The following CHCHD6 variants were observed in gnomAD, a reference collection of about 807,000 sequenced individuals.
CHCHD6 encodes the protein MICOS complex subunit MIC25.
Under a neutral mutation model 32.3 loss-of-function variants are expected in CHCHD6, and 28 were observed. The ratio of observed to expected loss-of-function variants is 0.87; its 90% CI spans 0.64 to 1.19. The LOEUF (loss-of-function observed/expected upper bound fraction) is 1.19, where lower values mean the gene tolerates loss of function less well. Among genes scored for constraint, CHCHD6 ranks in the 50% most tolerant of loss-of-function variants. The pLI is 0.00. For missense variants in CHCHD6, 333 were observed against 307.0 expected (o/e 1.08, Z -0.63); for synonymous variants, 122 against 117.5 (o/e 1.04, Z -0.25).
At chr3:126,838,174 A>C (rs1175716267) in intron 4 of CHCHD6, among the ~76,000 whole-genome samples, 1 of 152,262 alleles carries the variant, frequency 6.6e-6, no homozygotes, top group Non-Finnish European at 1.5e-5. Flanking sequence ...GAGAGCCTAC[A>C]GTATTTCAGC....
In CHCHD6 at chr3:126,852,688, T is replaced by A. The variant is rs752172144; in HGVS notation, c.453T>A (p.Arg151=). 5.0e-6 allele frequency: 8 copies of A among 1,613,872 alleles called. No individual in the cohort carries two copies. The South Asian group carries it at 8.8e-5, about 18-fold the overall frequency. Residue 151 remains arginine, a synonymous_variant, in exon 5 of 8, where the codon CGT becomes CGA. Transcript: ENST00000290913. The part of the protein sequence containing the change: ...LESREAELRR[R]DTFYKEQLER... Reference sequence around the variant, plus strand: ...GCAGAGAGGCAGAGCTAAGACGCCGTGACACCTTCTACAAGGAGCAGCTGG... The same window carrying A: ...GCAGAGAGGCAGAGCTAAGACGCCGAGACACCTTCTACAAGGAGCAGCTGG...
Position 126,733,160 on chromosome 3 carries a change from A to G in CHCHD6, c.349A>G (p.Lys117Glu). 2 of 1,614,166 alleles carry G rather than the reference A, an allele frequency of 1.2e-6. No individual in the cohort carries two copies. Among genetic ancestry groups the G allele is most frequent in the South Asian group, 2.2e-5 (2 of 91,082 alleles). ...AAGAGAGGCTGCCACCAAGCACTCC[A>G]AGGCATCCCTGCCCACGGGCGAAGG... ...REREAATKHS[K>E]ASLPTGEGSI... Residue 117 changes from lysine (K) to glutamate (E), a missense_variant, in exon 4 of 8, where the codon AAG becomes GAG. By Grantham distance (56) the Lys-to-Glu change is moderately conservative (BLOSUM62 1). Coordinates refer to ENST00000290913, the MANE Select transcript of CHCHD6 (RefSeq NM_032343.3).
chr3:126,803,223 TTAAATG>T (rs1174661189), intron 4 of CHCHD6, among the ~76,000 whole-genome samples: 1 of 151,820 alleles, frequency 6.6e-6, no homozygotes, highest in Non-Finnish European at 1.5e-5. Context: ...AATATTAACT[TTAAATG>T]TAAATGGGCT....
At chr3:126,740,791 A>G (rs967318816) in intron 4 of CHCHD6, among the ~76,000 whole-genome samples, 1 of 152,234 alleles carries the variant, frequency 6.6e-6, no homozygotes. Context: ...TGGTGGTTAT[A>G]TGATGTGACA....
At position 126,732,584 on chromosome 3, in the gene CHCHD6, T is replaced by C. The variant is rs555790304; in HGVS notation, c.267-494T>C. On this transcript the variant is annotated intron_variant, in intron 3 of 7. Coordinates refer to ENST00000290913, the MANE Select transcript of CHCHD6 (RefSeq NM_032343.3). ...GCATTTTTTTCACTACAATAAATAATACTGTTAAGAGCATCTCAGCACTAA... is the reference window on the plus strand; with the variant it reads ...GCATTTTTTTCACTACAATAAATAACACTGTTAAGAGCATCTCAGCACTAA... Among the ~76,000 whole-genome samples the C allele has an allele frequency of 2.6e-5, 4 of 152,346 alleles. No individual in the cohort carries two copies. In the South Asian group the frequency reaches 8.3e-4, roughly 32 times the overall value.
chr3:126,704,246 T>A lies in CHCHD6; in HGVS notation c.-67T>A. ...GCGGCCGCGCGAGTCCTGGAAAGCG[T>A]TGTTGGCCCGGTTGCTCTGGAGCCG... On this transcript the variant is annotated 5_prime_UTR_variant, in exon 1 of 8. The change creates a new upstream start codon in the 5' untranslated region. Transcript: ENST00000290913. 2 of 1,309,486 alleles carry A rather than the reference T, an allele frequency of 1.5e-6. No individual in the cohort carries two copies. Among genetic ancestry groups the A allele is most frequent in the Non-Finnish European group, 2.2e-6 (2 of 920,842 alleles). The allele number at this position is 1,309,486 out of a possible 1,614,324, so 81.1% of individuals were successfully genotyped here. A position where few individuals can be genotyped will look rare whatever the true frequency, so the allele number is the denominator to read the frequency against.
chr3:126,896,245 G>T (rs1308263763), intron 5 of CHCHD6, among the ~76,000 whole-genome samples: 1 of 152,180 alleles, frequency 6.6e-6, no homozygotes, highest in Non-Finnish European at 1.5e-5. Context: ...CTTGCCTTGG[G>T]CAACTTCAAG....
intron 4 of CHCHD6, among the ~76,000 whole-genome samples, chr3:126,845,755 A>G (rs747132963): frequency 3.3e-5 from 5 of 152,140 alleles, no homozygotes; most frequent in African/African-American, 4.8e-5. Flanking sequence ...TTCATGCCAT[A>G]TCATGCTAGA....
At chr3:126,940,405 T>C (rs1445852357) in intron 6 of CHCHD6, among the ~76,000 whole-genome samples, 2 of 152,250 alleles carry the variant, frequency 1.3e-5, no homozygotes, top group African/African-American at 4.8e-5. Flanking sequence ...ATTATCCTAT[T>C]ATTCTTGTAT....
At chr3:126,891,906 C>T (rs567918219) in intron 5 of CHCHD6, among the ~76,000 whole-genome samples, 7 of 152,204 alleles carry the variant, frequency 4.6e-5, no homozygotes, top group East Asian at 1.9e-4. Flanking sequence ...ACGGTGGCCC[C>T]GTGTTCTGGG....
intron 1 of CHCHD6, among the ~76,000 whole-genome samples, chr3:126,717,634 G>C (rs1935081840): frequency 6.6e-6 from 1 of 152,230 alleles, no homozygotes; most frequent in South Asian, 2.1e-4. Flanking sequence ...GTAGCCATTT[G>C]GGAACTTGCC....
At chr3:126,823,315 G>C (rs1008154668) in intron 4 of CHCHD6, among the ~76,000 whole-genome samples, 1 of 152,108 alleles carries the variant, frequency 6.6e-6, no homozygotes, top group Non-Finnish European at 1.5e-5. Context: ...AACATCTATA[G>C]ATCAATTTAT....
At chr3:126,919,379 T>C (rs1042675224) in intron 6 of CHCHD6, among the ~76,000 whole-genome samples, 11 of 150,670 alleles carry the variant, frequency 7.3e-5, no homozygotes, top group African/African-American at 2.7e-4. Flanking sequence ...AGTAACATGA[T>C]CACAGCTTAC....
rs142783555 is a variant in CHCHD6, at chr3:126,956,778, A to C, written c.567-638A>C. Among the ~76,000 whole-genome samples the C allele has an allele frequency of 2.2e-4, 34 of 152,348 alleles. No individual in the cohort carries two copies. In the East Asian group the frequency reaches 6.4e-3, roughly 28 times the overall value. ...GGGTTCTAAAACTACTTTGAAAAAG[A>C]AAGAAAAAAATAGTAAATTACCCCC... On this transcript the variant is annotated intron_variant, in intron 6 of 7. Transcript: ENST00000290913.
chr3:126,756,455 A>G (rs1936960655), intron 4 of CHCHD6, among the ~76,000 whole-genome samples: 1 of 152,120 alleles, frequency 6.6e-6, no homozygotes. Flanking sequence ...AGCTTTTTCC[A>G]TTCTGATGTA....
chr3:126,800,888 G>C (rs1939032396), intron 4 of CHCHD6, among the ~76,000 whole-genome samples: 1 of 152,180 alleles, frequency 6.6e-6, no homozygotes, highest in African/African-American at 2.4e-5. Context: ...AAATTTAGAA[G>C]TTCTTCAGTA....
intron 6 of CHCHD6, among the ~76,000 whole-genome samples, chr3:126,929,696 G>C (rs1190026585): frequency 6.6e-6 from 1 of 152,040 alleles, no homozygotes; most frequent in African/African-American, 2.4e-5. Context: ...CTCCTGAGTA[G>C]CAGGGATTAC....
intron 4 of CHCHD6, among the ~76,000 whole-genome samples, chr3:126,743,661 C>T (rs1251160709): frequency 6.6e-6 from 1 of 152,144 alleles, no homozygotes; most frequent in Non-Finnish European, 1.5e-5. Flanking sequence ...GGCTCCTTGG[C>T]CTCTGAGTGC....
At chr3:126,755,208 G>A (rs1346468506) in intron 4 of CHCHD6, among the ~76,000 whole-genome samples, 2 of 152,208 alleles carry the variant, frequency 1.3e-5, no homozygotes, top group South Asian at 2.1e-4. Context: ...TGGATGGCAG[G>A]CAGCAGCTCT....
Sources: gnomAD v4.1 joint callset for allele counts (sites outside exome capture counted in the v4.1 genomes callset) on GRCh38, gnomAD v4.1.1 for gene constraint, MANE v1.5 for transcripts, NCBI Gene and HGNC (gene_info 2026-07-23, HGNC 2026-07-21) for gene names.